CCSER1: variants seen among roughly 807,000 people sequenced by gnomAD.
The protein encoded by CCSER1 is coiled-coil serine rich protein 1.
In CCSER1, 41 loss-of-function variants were observed where a neutral mutation model predicts 82.0. The ratio of observed to expected loss-of-function variants is 0.50; its 90% CI spans 0.39 to 0.65. The LOEUF is 0.65. Among genes scored for constraint, CCSER1 ranks in the 30% least tolerant of loss-of-function variants. The probability of loss-of-function intolerance (pLI) is 0.00; values close to 1 mark genes in which losing one functional copy is unlikely to be tolerated. For synonymous variants in CCSER1, 414 were observed against 383.9 expected (o/e 1.08, Z -0.92); for missense variants, 1,119 against 1,064.2 (o/e 1.05, Z -0.72).
intron 10 of CCSER1, among the ~76,000 whole-genome samples, chr4:91,185,607 G>C (rs1398321667): frequency 6.6e-6 from 1 of 152,194 alleles, no homozygotes; most frequent in Non-Finnish European, 1.5e-5. Context: ...TTAGAATGGG[G>C]CCCAGGACAG....
At chr4:90,659,063 A>G (rs1730259255) in intron 6 of CCSER1, among the ~76,000 whole-genome samples, 1 of 147,554 alleles carries the variant, frequency 6.8e-6, no homozygotes, top group South Asian at 2.2e-4. Flanking sequence ...GATTTTCACA[A>G]CAACCAATGA....
intron 9 of CCSER1, among the ~76,000 whole-genome samples, chr4:91,061,692 C>T (rs1000271842): frequency 2.6e-5 from 4 of 152,096 alleles, no homozygotes; most frequent in Non-Finnish European, 4.4e-5. Flanking sequence ...GATAGGTTCT[C>T]CTACTACTTC....
intron 10 of CCSER1, among the ~76,000 whole-genome samples, chr4:91,445,962 T>C (rs1755528952): frequency 6.6e-6 from 1 of 152,164 alleles, no homozygotes; most frequent in African/African-American, 2.4e-5. Flanking sequence ...TACTGATAAT[T>C]ACACTTAAGA....
chr4:90,616,722 C>A (rs1262618960), intron 5 of CCSER1, among the ~76,000 whole-genome samples: 10 of 120,498 alleles, frequency 8.3e-5, no homozygotes, highest in African/African-American at 4.1e-4. Context: ...CACACACACA[C>A]ACACACACAC....
At chr4:90,919,587 A>G (rs778472498) in intron 8 of CCSER1, among the ~76,000 whole-genome samples, 1 of 151,960 alleles carries the variant, frequency 6.6e-6, no homozygotes, top group Middle Eastern at 3.2e-3. Flanking sequence ...ATGTGAGTAC[A>G]GTTAAGTACC....
intron 10 of CCSER1, among the ~76,000 whole-genome samples, chr4:91,510,419 C>T (rs1759754302): frequency 6.6e-6 from 1 of 152,104 alleles, no homozygotes; most frequent in African/African-American, 2.4e-5. Context: ...AATTGCTTTC[C>T]ACGGTGGCCG....
chr4:90,256,783 A>G (rs941115617), intron 1 of CCSER1, among the ~76,000 whole-genome samples: 1 of 152,164 alleles, frequency 6.6e-6, no homozygotes, highest in African/African-American at 2.4e-5. Context: ...GCTTTCCACG[A>G]CTTAAGTTAT....
intron 4 of CCSER1, among the ~76,000 whole-genome samples, chr4:90,430,208 G>T (rs2153566154): frequency 6.6e-6 from 1 of 151,866 alleles, no homozygotes. Context: ...CTGAATTTTT[G>T]ATAAGTTATG....
intron 5 of CCSER1, among the ~76,000 whole-genome samples, chr4:90,567,117 T>C (rs935155384): frequency 2.0e-5 from 3 of 151,942 alleles, no homozygotes; most frequent in Admixed American, 6.5e-5. Flanking sequence ...TAGATATTTA[T>C]TATTTTCCTT....
At chr4:90,932,940 AAG>A (rs1730104248) in intron 9 of CCSER1, among the ~76,000 whole-genome samples, 2 of 37,496 alleles carry the variant, frequency 5.3e-5, no homozygotes, top group South Asian at 7.4e-4. Context: ...GAAAGAAAGA[AAG>A]AAAGAAAGAA....
At chr4:91,353,487 G>A (rs145371057) in intron 10 of CCSER1, among the ~76,000 whole-genome samples, 26 of 152,344 alleles carry the variant, frequency 1.7e-4, no homozygotes, top group Middle Eastern at 3.4e-3. Context: ...GGTTTTGGGC[G>A]TGGTGCTGGG....
chr4:90,769,074 C>T, intron 7 of CCSER1, among the ~76,000 whole-genome samples: 1 of 152,126 alleles, frequency 6.6e-6, no homozygotes, highest in East Asian at 1.9e-4. Context: ...AAGCTGGTGA[C>T]TCAGAAAGCC....
intron 3 of CCSER1, among the ~76,000 whole-genome samples, chr4:90,331,261 C>T (rs192247781): frequency 7.2e-5 from 11 of 151,736 alleles, no homozygotes; most frequent in Admixed American, 2.0e-4. Context: ...CAGGATAAAA[C>T]AGCAACCCAA....
At position 90,732,001 on chromosome 4, in the gene CCSER1, A is replaced by G. The variant is rs142801546; in HGVS notation, c.2010+8010A>G. On this transcript the variant is annotated intron_variant, in intron 7 of 10. Transcript: ENST00000509176. ...CCTTTATTCACAAGTCTGGTGTTGC[A>G]CTGAAAACACTGTACCTATTGGGAT... Among the ~76,000 whole-genome samples the G allele has an allele frequency of 4.5e-4, 65 of 145,510 alleles. No homozygotes were observed. The East Asian group carries it at 0.011, about 24-fold the overall frequency.
chr4:91,210,011 T>C (rs1479195744), intron 10 of CCSER1, among the ~76,000 whole-genome samples: 1 of 151,540 alleles, frequency 6.6e-6, no homozygotes, highest in Admixed American at 6.6e-5. Flanking sequence ...ACTGAGGAAA[T>C]GGGCTACTCT....
intron 5 of CCSER1, among the ~76,000 whole-genome samples, chr4:90,505,362 A>AGT (rs1161576093): frequency 2.0e-5 from 3 of 152,172 alleles, no homozygotes; most frequent in Non-Finnish European, 2.9e-5. Flanking sequence ...GTAGGGAAAG[A>AGT]CAGAGGAACC....
At chr4:90,262,012 A>T (rs987824334) in intron 1 of CCSER1, among the ~76,000 whole-genome samples, 7 of 151,610 alleles carry the variant, frequency 4.6e-5, no homozygotes, top group Admixed American at 1.3e-4. Context: ...AATTTTTTTT[A>T]AATTTATTTT....
At chr4:90,758,299 A>C in intron 7 of CCSER1, among the ~76,000 whole-genome samples, 1 of 152,292 alleles carries the variant, frequency 6.6e-6, no homozygotes, top group African/African-American at 2.4e-5. Flanking sequence ...TTTTGTATTA[A>C]AAATAATAGA....
intron 10 of CCSER1, among the ~76,000 whole-genome samples, chr4:91,268,321 G>A (rs1463839774): frequency 2.0e-5 from 3 of 152,180 alleles, no homozygotes; most frequent in Admixed American, 2.0e-4. Context: ...GGGGGGATGT[G>A]AGGATGTGAT....
Sources: gnomAD v4.1 joint callset for allele counts (sites outside exome capture counted in the v4.1 genomes callset) on GRCh38, gnomAD v4.1.1 for gene constraint, MANE v1.5 for transcripts, NCBI Gene and HGNC (gene_info 2026-07-23, HGNC 2026-07-21) for gene names.